NDUFB6: variants seen among roughly 807,000 people sequenced by gnomAD.
NDUFB6 encodes NADH dehydrogenase [ubiquinone] 1 beta subcomplex subunit 6.
NDUFB6 carries 23 observed loss-of-function variants against 17.5 expected under a neutral mutation model. That is an observed-to-expected ratio of 1.31 (90% CI 0.94 to 1.86). The LOEUF (loss-of-function observed/expected upper bound fraction) is 1.86. Ranked by LOEUF, NDUFB6 falls within the 40% of genes most tolerant of loss-of-function variation. The probability of loss-of-function intolerance (pLI) is 0.00; values close to 1 mark genes in which losing one functional copy is unlikely to be tolerated. For missense variants in NDUFB6, 167 were observed against 153.8 expected (o/e 1.09, Z -0.46); for synonymous variants, 60 against 53.5 (o/e 1.12, Z -0.53).
intron 1 of NDUFB6, among the ~76,000 whole-genome samples, chr9:32,571,757 C>A (rs149280202): frequency 3.5e-3 from 530 of 152,306 alleles, no homozygotes; most frequent in African/African-American, 7.7e-3. Flanking sequence ...TATTTATTTA[C>A]TTCCTTATAT....
rs576860677 is a variant in NDUFB6 at position 32,566,886 on chromosome 9, A to G, written c.273+4074T>C. 465 of 602,580 alleles carry G rather than the reference A, an allele frequency of 7.7e-4. 2 individuals carry two copies. Among genetic ancestry groups the G allele is most frequent in the African/African-American group, 7.5e-3 (405 of 54,048 alleles). 37.3% of individuals were successfully genotyped at this position (602,580 alleles called of 1,614,324 possible). On this transcript the variant is annotated intron_variant, in intron 2 of 3. Coordinates refer to ENST00000379847, the MANE Select transcript of NDUFB6 (RefSeq NM_002493.5). The stretch of plus-strand genomic sequence containing the variant: ...GGATGAGCCACGCGTGCGGCTGGCG[A>G]AAAGCACTGAGGAAGCACCCGATGT...
chr9:32,566,787 T>G, intron 2 of NDUFB6: 1 of 915,078 alleles, frequency 1.1e-6, no homozygotes, highest in Non-Finnish European at 1.8e-6. Context: ...CTGGCTGACG[T>G]TGTACAGGAG....
At chr9:32,569,679 ATTTTTT>A (rs1161304283) in intron 2 of NDUFB6, among the ~76,000 whole-genome samples, 2 of 147,514 alleles carry the variant, frequency 1.4e-5, no homozygotes, top group Non-Finnish European at 3.0e-5. Context: ...ACATCCAGCT[ATTTTTT>A]TTTCTTTTTT....
At chr9:32,567,870 C>A (rs898401598) in intron 2 of NDUFB6, 2 of 196,770 alleles carry the variant, frequency 1.0e-5, no homozygotes, top group African/African-American at 2.4e-5. Flanking sequence ...AATTTAATAA[C>A]ACTACAATGA....
intron 2 of NDUFB6, among the ~76,000 whole-genome samples, chr9:32,569,098 C>A (rs914615369): frequency 7.9e-5 from 12 of 152,124 alleles, no homozygotes; most frequent in African/African-American, 2.9e-4. Flanking sequence ...CTGCAACAAC[C>A]ATCACCCTGA....
At chr9:32,569,689 C>CT (rs112526069) in intron 2 of NDUFB6, among the ~76,000 whole-genome samples, 25,953 of 74,594 alleles carry the variant, frequency 0.35, 2,349 homozygotes, top group Middle Eastern at 0.5. Flanking sequence ...ATTTTTTTTT[C>CT]TTTTTTTTTG....
intron 2 of NDUFB6, 64 bp downstream of exon 2, chr9:32,570,896 G>C: frequency 9.8e-6 from 11 of 1,122,180 alleles, no homozygotes; most frequent in Non-Finnish European, 1.0e-5. Context: ...AGTAGGGTAA[G>C]ATAGCCACAA....
intron 1 of NDUFB6, among the ~76,000 whole-genome samples, chr9:32,571,957 T>C (rs999187152): frequency 1.3e-5 from 2 of 152,232 alleles, no homozygotes; most frequent in Admixed American, 1.3e-4. Flanking sequence ...ATCAGATACA[T>C]GTTGATTACA....
Position 32,571,011 on chromosome 9 carries a change from A to G in NDUFB6, c.222T>C (p.His74=), listed in dbSNP as rs1352698198. The G allele has an allele frequency of 6.2e-7, 1 of 1,606,866 alleles. No individual in the cohort carries two copies. The highest frequency in any genetic ancestry group is 1.1e-5 in the South Asian group (1 of 90,222). The change falls in exon 2 of 4, where the codon CAT becomes CAC. Residue 74 remains histidine, a synonymous_variant. Coordinates refer to ENST00000379847, the MANE Select transcript of NDUFB6 (RefSeq NM_002493.5). ...GAATAATCCAGACAGGTACAAGTACATGAGTGAAAACAAAGATACTCTTTT... is the reference window on the plus strand; with the variant it reads ...GAATAATCCAGACAGGTACAAGTACGTGAGTGAAAACAAAGATACTCTTTT... ...VYKKSIFVFT[H]VLVPVWIIHY...
chr9:32,573,056 G>C lies in NDUFB6; in HGVS notation c.5C>G (p.Thr2Arg), dbSNP rs138358975. The C allele has an allele frequency of 2.6e-6, 4 of 1,562,784 alleles. No homozygotes were observed. In the African/African-American group the frequency reaches 5.5e-5, roughly 22 times the overall value. ...CAGTTTCTCATCCGGAGTGTACCCC[G>C]TCATGTCGCCGCTGGTACCAACGCA... is the stretch of plus-strand genomic sequence containing the variant. MTGYTPDEKLRL... is the reference protein window; with the variant it reads MRGYTPDEKLRL... The change falls in exon 1 of 4, where the codon ACG (threonine) becomes AGG (arginine). Residue 2 changes from threonine to arginine, a missense_variant. Physicochemically the swap from Thr to Arg is moderately conservative, Grantham distance 71. Transcript: ENST00000379847.
chr9:32,567,752 A>C, intron 2 of NDUFB6: 1 of 320,176 alleles, frequency 3.1e-6, no homozygotes, highest in Non-Finnish European at 6.4e-6. Context: ...GAATTTAATA[A>C]GTAAATGTTG....
intron 3 of NDUFB6, among the ~76,000 whole-genome samples, chr9:32,555,086 G>A (rs1043087817): frequency 5.5e-5 from 8 of 146,540 alleles, no homozygotes; most frequent in Non-Finnish European, 9.2e-5. Context: ...GAGACTTTCT[G>A]TTCCTGACCA....
chr9:32,557,062 T>C (rs886883483), intron 3 of NDUFB6, among the ~76,000 whole-genome samples: 5 of 151,404 alleles, frequency 3.3e-5, no homozygotes, highest in Admixed American at 6.6e-5. Context: ...TTCACCATGT[T>C]GGCCAGGCTG....
intron 1 of NDUFB6, among the ~76,000 whole-genome samples, chr9:32,571,342 TAA>T (rs1821936180): frequency 6.6e-6 from 1 of 152,224 alleles, no homozygotes; most frequent in Admixed American, 6.5e-5. Context: ...ATCCTTATTA[TAA>T]GTTTGTTAAA....
intron 2 of NDUFB6, chr9:32,567,154 C>T (rs749728553): frequency 1.5e-5 from 7 of 476,760 alleles, no homozygotes; most frequent in South Asian, 7.7e-5. Flanking sequence ...CCTCTGGGCC[C>T]CGCAGGCAGT....
At chr9:32,566,156 G>A (rs1415514436) in intron 2 of NDUFB6, 8 of 691,962 alleles carry the variant, frequency 1.2e-5, no homozygotes, top group Middle Eastern at 2.5e-4. Flanking sequence ...TGTCACTGGC[G>A]CTTTCACACA....
In NDUFB6 at chr9:32,553,092, A is replaced by T. The variant is rs1467346919; in HGVS notation, c.*784T>A. Reference sequence around the variant, plus strand: ...AGAGATTTTAGTATTTTACATTCTCATGACAAAATTAACAGCAACCTAAAT... The same window carrying T: ...AGAGATTTTAGTATTTTACATTCTCTTGACAAAATTAACAGCAACCTAAAT... On this transcript the variant is annotated 3_prime_UTR_variant, in exon 4 of 4. Coordinates refer to ENST00000379847, the MANE Select transcript of NDUFB6 (RefSeq NM_002493.5). 4 of 506,298 alleles carry T rather than the reference A, an allele frequency of 7.9e-6. No homozygotes were observed. The Admixed American group carries it at 1.5e-4, about 19-fold the overall frequency. 31.4% of individuals were successfully genotyped at this position (506,298 alleles called of 1,614,324 possible). A position where few individuals can be genotyped will look rare whatever the true frequency, so the allele number is the denominator to read the frequency against.
At chr9:32,567,449 C>T in intron 2 of NDUFB6, 1 of 451,546 alleles carries the variant, frequency 2.2e-6, no homozygotes, top group Non-Finnish European at 4.5e-6. Flanking sequence ...CTGCCTCAGC[C>T]TCCCCAGTAG....
chr9:32,555,222 G>A (rs917769459), intron 3 of NDUFB6, among the ~76,000 whole-genome samples: 1 of 152,200 alleles, frequency 6.6e-6, no homozygotes, highest in South Asian at 2.1e-4. Flanking sequence ...AAACCAGCCT[G>A]AGCAAGAGTA....
Sources: allele counts gnomAD v4.1 joint callset (sites outside exome capture counted in the v4.1 genomes callset), GRCh38; gene constraint gnomAD v4.1.1; transcripts MANE v1.5; gene names NCBI Gene and HGNC (gene_info 2026-07-23, HGNC 2026-07-21).